TRIM27: variants seen among roughly 807,000 people sequenced by gnomAD.
TRIM27 encodes zinc finger protein RFP.
In TRIM27, 12 loss-of-function variants were observed where a neutral mutation model predicts 57.6. The ratio of observed to expected loss-of-function variants is 0.21; its 90% CI spans 0.13 to 0.34. The LOEUF (loss-of-function observed/expected upper bound fraction) is 0.34. Ranked by LOEUF, TRIM27 falls within the 10% of genes least tolerant of loss-of-function variation. The pLI, the probability that TRIM27 is intolerant of heterozygous loss-of-function variation, is 1.00. For synonymous variants in TRIM27, 266 were observed against 259.0 expected (o/e 1.03, Z -0.26); for missense variants, 403 against 656.8 (o/e 0.61, Z 4.22).
intron 3 of TRIM27, among the ~76,000 whole-genome samples, chr6:28,913,058 C>A (rs1259692636): frequency 6.6e-6 from 1 of 151,950 alleles, no homozygotes; most frequent in Non-Finnish European, 1.5e-5. Context: ...GAGTTTGGGA[C>A]CAGACTGGCC....
chr6:28,916,023 T>C (rs1345065928), intron 3 of TRIM27, among the ~76,000 whole-genome samples: 1 of 152,030 alleles, frequency 6.6e-6, no homozygotes, highest in African/African-American at 2.4e-5. Context: ...TTCAAGTGAT[T>C]GTCCTGCCTC....
chr6:28,917,260 G>C (rs1020029644), intron 3 of TRIM27, among the ~76,000 whole-genome samples: 5 of 151,928 alleles, frequency 3.3e-5, no homozygotes, highest in South Asian at 2.1e-4. Context: ...GTCAAGATTT[G>C]AGAAAGCAAA....
intron 3 of TRIM27, among the ~76,000 whole-genome samples, chr6:28,914,578 G>T (rs1773460693): frequency 2.0e-5 from 2 of 100,546 alleles, no homozygotes; most frequent in African/African-American, 4.0e-5. Context: ...GAAATTGCAA[G>T]GGTGGGGGGG....
intron 7 of TRIM27, 176 bp downstream of exon 7, chr6:28,907,060 A>T: frequency 1.7e-6 from 1 of 581,882 alleles, no homozygotes. Flanking sequence ...CAGGAGGCAA[A>T]GATACTGTTA....
intron 7 of TRIM27, chr6:28,906,716 A>G (rs903925256): frequency 1.3e-5 from 2 of 152,820 alleles, no homozygotes; most frequent in Non-Finnish European, 2.9e-5. Context: ...TACACCTTAG[A>G]TTTGAATACT....
chr6:28,921,106 C>T (rs973217908), intron 2 of TRIM27, among the ~76,000 whole-genome samples: 1 of 152,184 alleles, frequency 6.6e-6, no homozygotes, highest in Non-Finnish European at 1.5e-5. Context: ...CCAGGCTGGG[C>T]GCGGTGGCTC....
rs1772564288 is a variant in TRIM27, at chr6:28,903,779, G to A, written c.*291C>T. On this transcript the variant is annotated 3_prime_UTR_variant, in exon 8 of 8. Transcript: ENST00000377199. Reference sequence around the variant, plus strand: ...TCTTGAACGGCTCTCCAAATCCAAAGATTATCCATACTCTTTATCCCTCCA... The same window carrying A: ...TCTTGAACGGCTCTCCAAATCCAAAAATTATCCATACTCTTTATCCCTCCA... 3 of 421,908 alleles carry A rather than the reference G, an allele frequency of 7.1e-6. No individual in the cohort carries two copies. The highest frequency in any genetic ancestry group is 1.2e-4 in the South Asian group (2 of 17,350). 26.1% of individuals were successfully genotyped at this position (421,908 alleles called of 1,614,324 possible). A position where few individuals can be genotyped will look rare whatever the true frequency, so the allele number is the denominator to read the frequency against.
intron 3 of TRIM27, chr6:28,915,433 AC>A (rs1275811265): frequency 6.6e-6 from 1 of 152,078 alleles, no homozygotes; most frequent in East Asian, 1.9e-4. Context: ...ACATGGTGAA[AC>A]CCCATCTCTA....
chr6:28,919,967 A>G (rs1773899597), intron 3 of TRIM27, 45 bp downstream of exon 3: 3 of 1,564,164 alleles, frequency 1.9e-6, no homozygotes, highest in Non-Finnish European at 2.6e-6. Context: ...AGAAGGGACG[A>G]TATTTTCAGT....
chr6:28,915,663 T>C (rs1773546699), intron 3 of TRIM27: 1 of 152,176 alleles, frequency 6.6e-6, no homozygotes, highest in Non-Finnish European at 1.5e-5. Flanking sequence ...GCAGCAGATA[T>C]CCTCAAATGG....
intron 3 of TRIM27, 114 bp downstream of exon 3, chr6:28,919,898 T>C: frequency 2.1e-6 from 2 of 968,060 alleles, no homozygotes; most frequent in Non-Finnish European, 3.0e-6. Context: ...TGGCAAGCTC[T>C]TGCTATTCCT....
intron 4 of TRIM27, among the ~76,000 whole-genome samples, chr6:28,910,018 T>A (rs1008136611): frequency 1.4e-5 from 2 of 147,890 alleles, no homozygotes; most frequent in African/African-American, 5.0e-5. Flanking sequence ...ATGCCTGCAA[T>A]CCCAACACTT....
chr6:28,921,392 A>C (rs1342580072), intron 2 of TRIM27, among the ~76,000 whole-genome samples: 1 of 152,020 alleles, frequency 6.6e-6, no homozygotes, highest in Non-Finnish European at 1.5e-5. Context: ...AAAAAAAAAA[A>C]AATTCCCATA....
rs1285132058 is a variant in TRIM27, at chr6:28,923,381, C to G, written c.252G>C (p.Glu84Asp). The change falls in exon 1 of 8, where the codon GAG becomes GAC. Residue 84 changes from glutamate to aspartate, a missense_variant. Transcript: ENST00000377199. ...TCTCGCCGCCGGGCCCCGACGGCCG[C>G]TCGGTGCGCAGCTGCTTTACCAGTT... is the stretch of plus-strand genomic sequence containing the variant. ...VTQLVKQLRT[E>D]RPSGPGGEMG... 1.9e-6 allele frequency: 3 copies of G among 1,612,192 alleles called. No homozygotes were observed. The East Asian group carries it at 6.7e-5, about 36-fold the overall frequency.
intron 6 of TRIM27, 187 bp from the exon 7 acceptor site, chr6:28,907,449 G>A (rs1344340880): frequency 1.4e-6 from 1 of 717,638 alleles, no homozygotes; most frequent in Non-Finnish European, 2.6e-6. Flanking sequence ...AAGCTTTAAG[G>A]GGAGAGGGAT....
Position 28,904,724 on chromosome 6 carries a change from C to T in TRIM27, c.947-59G>A, listed in dbSNP as rs2150456168. ...GCCAGGAGAGCCTATTTTAGAACAC[C>T]CAGCGCCTTTCTACTACCTCCCCAA... On this transcript the variant is annotated intron_variant, in intron 7 of 7. Transcript: ENST00000377199. The surrounding 1 kb of genome is among the most constrained non-coding windows in gnomAD (Gnocchi z 6.1). The T allele has an allele frequency of 7.4e-7, 1 of 1,351,180 alleles. No individual in the cohort carries two copies. Among genetic ancestry groups the T allele is most frequent in the African/African-American group, 1.5e-5 (1 of 68,786 alleles). The allele number at this position is 1,351,180 out of a possible 1,614,324, so 83.7% of individuals were successfully genotyped here. A position where few individuals can be genotyped will look rare whatever the true frequency, so the allele number is the denominator to read the frequency against.
At position 28,903,835 on chromosome 6, in the gene TRIM27, C is replaced by A; in HGVS notation, c.*235G>T. On this transcript the variant is annotated 3_prime_UTR_variant, in exon 8 of 8. Coordinates refer to ENST00000377199, the MANE Select transcript of TRIM27 (RefSeq NM_006510.5). ...GTGTAAAACCAGAAAGTATGAAACA[C>A]TGGAGGTGGACATCTGGTTTTTATT... The A allele has an allele frequency of 1.8e-6, 1 of 564,720 alleles. No homozygotes were observed. The highest frequency in any genetic ancestry group is 2.5e-5 in the South Asian group (1 of 39,564). 35.0% of individuals were successfully genotyped at this position (564,720 alleles called of 1,614,324 possible). A position where few individuals can be genotyped will look rare whatever the true frequency, so the allele number is the denominator to read the frequency against.
chr6:28,910,282 T>A, intron 4 of TRIM27, among the ~76,000 whole-genome samples: 1 of 152,086 alleles, frequency 6.6e-6, no homozygotes, highest in Non-Finnish European at 1.5e-5. Flanking sequence ...TCTCTGAGGA[T>A]CACTGGAGTT....
At chr6:28,910,123 G>GAAAAAAAAAAAAAAAAA (rs9278120) in intron 4 of TRIM27, among the ~76,000 whole-genome samples, 1 of 97,612 alleles carries the variant, frequency 1.0e-5, no homozygotes, top group Non-Finnish European at 2.2e-5. Flanking sequence ...AAAGAAAAAT[G>GAAAAAAAAAAAAAAAAA]AAAAAAAAAA....
Sources: allele counts gnomAD v4.1 joint callset (sites outside exome capture counted in the v4.1 genomes callset), GRCh38; gene constraint gnomAD v4.1.1; non-coding constraint Gnocchi (gnomAD v3.1); transcripts MANE v1.5; gene names NCBI Gene and HGNC (gene_info 2026-07-23, HGNC 2026-07-21).